ROBO2: variants seen among roughly 807,000 people sequenced by gnomAD.
ROBO2 encodes the protein roundabout homolog 2.
Under a neutral mutation model 160.8 loss-of-function variants are expected in ROBO2, and 53 were observed. The observed-to-expected ratio is 0.33, with a 90% CI of 0.26 to 0.41. The LOEUF (loss-of-function observed/expected upper bound fraction) is 0.41. Ranked by LOEUF, ROBO2 falls within the 10% of genes least tolerant of loss-of-function variation. The probability of loss-of-function intolerance (pLI) is 1.00; values close to 1 mark genes in which losing one functional copy is unlikely to be tolerated. For synonymous variants in ROBO2, 664 were observed against 611.7 expected, an observed-to-expected ratio of 1.09 and a Z score of -1.26; for missense variants, 1,577 against 1,722.4, an observed-to-expected ratio of 0.92 and a Z score of 1.49.
chr3:77,523,106 C>T (rs2090780595), intron 6 of ROBO2, among the ~76,000 whole-genome samples: 1 of 151,186 alleles, frequency 6.6e-6, no homozygotes, highest in Non-Finnish European at 1.5e-5. Context: ...AAGATTAATT[C>T]TTATTTAATA....
chr3:77,595,297 T>C, intron 18 of ROBO2, 113 bp downstream of exon 19: 1 of 829,826 alleles, frequency 1.2e-6, no homozygotes, highest in Non-Finnish European at 1.9e-6. Context: ...CTGAGAATTC[T>C]AGGAGGAATT....
At chr3:77,254,300 A>G (rs2090694645) in intron 2 of ROBO2, among the ~76,000 whole-genome samples, 3 of 152,318 alleles carry the variant, frequency 2.0e-5, no homozygotes, top group African/African-American at 4.8e-5. Context: ...CTTCTAGTGA[A>G]TAGTGATTTC....
chr3:75,950,111 C>A (rs1315203803), intron 2 of ROBO2, among the ~76,000 whole-genome samples: 1 of 151,958 alleles, frequency 6.6e-6, no homozygotes, highest in African/African-American at 2.4e-5. Flanking sequence ...ATTGTGTCTC[C>A]AACTTGTGTT....
intron 6 of ROBO2, among the ~76,000 whole-genome samples, chr3:77,543,753 G>A (rs1184266182): frequency 1.3e-5 from 2 of 149,846 alleles, no homozygotes; most frequent in Non-Finnish European, 3.0e-5. Context: ...TATTTTAAAA[G>A]TTTGTAAAGA....
At chr3:77,401,052 G>C (rs1581656896) in intron 2 of ROBO2, among the ~76,000 whole-genome samples, 2 of 151,546 alleles carry the variant, frequency 1.3e-5, no homozygotes, top group African/African-American at 4.9e-5. Context: ...ACGATTCTTG[G>C]TTATTTCCTC....
intron 2 of ROBO2, among the ~76,000 whole-genome samples, chr3:77,005,380 A>G (rs192726796): frequency 6.6e-6 from 1 of 152,264 alleles, no homozygotes; most frequent in Non-Finnish European, 1.5e-5. Flanking sequence ...ATAATGGACC[A>G]TTTGTTTGGC....
At chr3:77,134,993 A>G (rs1365579109) in intron 2 of ROBO2, among the ~76,000 whole-genome samples, 1 of 152,202 alleles carries the variant, frequency 6.6e-6, no homozygotes, top group East Asian at 1.9e-4. Flanking sequence ...GCAGGACGGC[A>G]GGTAAACGAG....
chr3:77,632,593 G>C, intron 23 of ROBO2: 1 of 1,535,750 alleles, frequency 6.5e-7, no homozygotes, highest in Non-Finnish European at 8.7e-7. Context: ...TTTTGCACAA[G>C]CACTGGTGGC....
At chr3:76,394,615 C>A (rs1029654656) in intron 2 of ROBO2, among the ~76,000 whole-genome samples, 6 of 151,900 alleles carry the variant, frequency 3.9e-5, no homozygotes, top group African/African-American at 1.2e-4. Flanking sequence ...TTGCTCTTCT[C>A]GAGGAGTATC....
intron 2 of ROBO2, chr3:77,317,444 C>G: frequency 1.3e-6 from 2 of 1,513,826 alleles, no homozygotes; most frequent in Non-Finnish European, 1.8e-6. Context: ...CCAGACTGCC[C>G]GTCACTTTGG....
At chr3:77,496,238 G>A (rs2086764285) in intron 5 of ROBO2, among the ~76,000 whole-genome samples, 1 of 152,144 alleles carries the variant, frequency 6.6e-6, no homozygotes, top group Admixed American at 6.5e-5. Flanking sequence ...TGCTGTGTAA[G>A]CTTTAAATTG....
chr3:76,546,620 TC>T (rs2083117299), intron 2 of ROBO2, among the ~76,000 whole-genome samples: 2 of 151,990 alleles, frequency 1.3e-5, no homozygotes, highest in African/African-American at 4.8e-5. Flanking sequence ...AAAATAGACC[TC>T]CAGAATTGTA....
chr3:77,353,962 A>G (rs997758303), intron 2 of ROBO2, among the ~76,000 whole-genome samples: 1 of 152,224 alleles, frequency 6.6e-6, no homozygotes, highest in Non-Finnish European at 1.5e-5. Context: ...GCTTCTTCCC[A>G]CCACTGCTCC....
At chr3:77,362,155 GA>G (rs1486503611) in intron 2 of ROBO2, among the ~76,000 whole-genome samples, 1 of 152,090 alleles carries the variant, frequency 6.6e-6, no homozygotes, top group Non-Finnish European at 1.5e-5. Context: ...AATTGTTAAA[GA>G]AAACAATCAG....
chr3:77,378,178 A>G (rs1332179916), intron 2 of ROBO2, among the ~76,000 whole-genome samples: 3 of 152,186 alleles, frequency 2.0e-5, no homozygotes, highest in African/African-American at 7.2e-5. Flanking sequence ...TGAAAGTAAC[A>G]TTTTTGAAAA....
intron 2 of ROBO2, among the ~76,000 whole-genome samples, chr3:76,102,529 A>T (rs1051149548): frequency 5.3e-5 from 8 of 152,224 alleles, no homozygotes; most frequent in African/African-American, 1.4e-4. Context: ...CAGAAAAGTC[A>T]TACTCACTTG....
intron 2 of ROBO2, among the ~76,000 whole-genome samples, chr3:77,211,946 G>A (rs1285174273): frequency 2.0e-5 from 3 of 152,048 alleles, no homozygotes. Flanking sequence ...CTCTGTTTTG[G>A]TACCAGTACC....
chr3:76,764,115 A>T (rs890020645), intron 2 of ROBO2, among the ~76,000 whole-genome samples: 1 of 151,750 alleles, frequency 6.6e-6, no homozygotes, highest in Non-Finnish European at 1.5e-5. Context: ...CATTTGATGC[A>T]AGCTTTGTGT....
chr3:76,385,175 T>C (rs1385424520), intron 2 of ROBO2, among the ~76,000 whole-genome samples: 1 of 152,022 alleles, frequency 6.6e-6, no homozygotes, highest in Non-Finnish European at 1.5e-5. Context: ...TTGTAATTTT[T>C]ATAGAGACAG....
Sources: gnomAD v4.1 joint callset for allele counts (sites outside exome capture counted in the v4.1 genomes callset) on GRCh38, gnomAD v4.1.1 for gene constraint, MANE v1.5 for transcripts, NCBI Gene and HGNC (gene_info 2026-07-23, HGNC 2026-07-21) for gene names.